Variants in CDK14 observed in about 807,000 individuals in gnomAD.
CDK14 encodes cyclin dependent kinase 14.
A neutral mutation model predicts 60.7 loss-of-function variants in CDK14; 34 were observed. The ratio of observed to expected loss-of-function variants is 0.56; its 90% CI spans 0.43 to 0.75. The LOEUF (loss-of-function observed/expected upper bound fraction) is 0.75, where lower values mean the gene tolerates loss of function less well. Ranked by LOEUF, CDK14 falls within the 30% of genes least tolerant of loss-of-function variation. The pLI is 0.00. For synonymous variants in CDK14, 197 were observed against 203.7 expected, an observed-to-expected ratio of 0.97 and a Z score of 0.28; for missense variants, 482 against 564.1, an observed-to-expected ratio of 0.85 and a Z score of 1.47.
intron 9 of CDK14, 148 bp from the exon 10 acceptor site, chr7:90,984,000 C>A: frequency 1.6e-6 from 1 of 618,952 alleles, no homozygotes; most frequent in Admixed American, 2.7e-5. Flanking sequence ...CACGTGTACC[C>A]CTGAATCTAA....
chr7:90,648,995 C>A (rs924527313), intron 2 of CDK14, among the ~76,000 whole-genome samples: 1 of 152,114 alleles, frequency 6.6e-6, no homozygotes, highest in Admixed American at 6.5e-5. Flanking sequence ...ATATGGATAG[C>A]AAACTGTGCT....
chr7:91,144,456 C>T (rs43012), intron 14 of CDK14, among the ~76,000 whole-genome samples: 145,360 of 152,302 alleles, frequency 0.95, 69,393 homozygotes, highest in East Asian at 1. Flanking sequence ...TGGCATTTCA[C>T]AAATATTTCT....
chr7:91,127,609 G>A (rs1376842258), intron 14 of CDK14, among the ~76,000 whole-genome samples: 1 of 152,242 alleles, frequency 6.6e-6, no homozygotes, highest in East Asian at 1.9e-4. Flanking sequence ...GTGAAAAAAT[G>A]TATGTACATT....
chr7:91,079,446 T>C lies in CDK14; in HGVS notation c.1120T>C (p.Tyr374His). 1 of 1,600,630 alleles carries C rather than the reference T, an allele frequency of 6.2e-7. No individual in the cohort carries two copies. Among genetic ancestry groups the C allele is most frequent in the East Asian group, 2.2e-5 (1 of 44,742 alleles). ...PHFKPERFTL[Y>H]SSKNLRQAWN... is the part of the protein sequence containing the mutation. ...TTTTATTTCAGAACGCTTTACCCTG[T>C]ACAGCTCTAAAAACCTTAGACAAGC... Residue 374 changes from tyrosine to histidine, a missense_variant, in exon 12 of 15, where the codon TAC (tyrosine) becomes CAC (histidine). Physicochemically the swap from Tyr to His is moderately conservative, Grantham distance 83. Transcript: ENST00000380050.
chr7:90,895,955 G>C (rs1449746936), intron 6 of CDK14, among the ~76,000 whole-genome samples: 1 of 151,628 alleles, frequency 6.6e-6, no homozygotes, highest in Admixed American at 6.6e-5. Flanking sequence ...GCCAAAGGTT[G>C]GTTTGTTTTA....
intron 8 of CDK14, among the ~76,000 whole-genome samples, chr7:90,921,012 A>T (rs917009062): frequency 1.3e-5 from 2 of 152,210 alleles, no homozygotes; most frequent in Non-Finnish European, 2.9e-5. Flanking sequence ...ATTTTGAATA[A>T]GTAAATTACA....
At chr7:90,962,557 T>C (rs1301454610) in intron 9 of CDK14, among the ~76,000 whole-genome samples, 2 of 152,204 alleles carry the variant, frequency 1.3e-5, no homozygotes, top group African/African-American at 4.8e-5. Flanking sequence ...TGTGTATGTT[T>C]GTGAGAGAGA....
intron 4 of CDK14, among the ~76,000 whole-genome samples, chr7:90,778,843 CCGA>C (rs1307411126): frequency 1.0e-4 from 15 of 146,806 alleles, no homozygotes; most frequent in African/African-American, 3.8e-4. Context: ...TAAAAATTGA[CCGA>C]CCTTCCTTCC....
Position 90,596,459 on chromosome 7 carries a change from T to C in CDK14, c.-169T>C. 1.9e-6 allele frequency: 1 copy of C among 534,678 alleles called. No individual in the cohort carries two copies. The highest frequency in any genetic ancestry group is 3.3e-6 in the Non-Finnish European group (1 of 303,754). 33.1% of individuals were successfully genotyped at this position (534,678 alleles called of 1,614,324 possible). The stretch of plus-strand genomic sequence containing the variant: ...GCCCAGGCCGGAGCGGAGCCTGCCG[T>C]CCTCCGCCTGCCTGCTGCTCGCCTC... On this transcript the variant is annotated 5_prime_UTR_variant, in exon 1 of 15. Transcript: ENST00000380050.
intron 6 of CDK14, among the ~76,000 whole-genome samples, chr7:90,888,584 C>G (rs1792023927): frequency 6.6e-6 from 1 of 152,124 alleles, no homozygotes; most frequent in Non-Finnish European, 1.5e-5. Context: ...TCTGTTCATT[C>G]ATGTTGCTTT....
intron 14 of CDK14, among the ~76,000 whole-genome samples, chr7:91,158,103 ATATT>A (rs1029820265): frequency 1.2e-3 from 176 of 147,918 alleles, no homozygotes; most frequent in Non-Finnish European, 2.1e-3. Context: ...ATATATATAA[ATATT>A]TATATATAAA....
intron 10 of CDK14, among the ~76,000 whole-genome samples, chr7:90,991,290 G>GA (rs2115689981): frequency 6.6e-6 from 1 of 152,156 alleles, no homozygotes; most frequent in East Asian, 1.9e-4. Flanking sequence ...GGGAATCAAG[G>GA]AGCCATTCAC....
chr7:91,199,642 T>C (rs1243739901), intron 14 of CDK14, among the ~76,000 whole-genome samples: 2 of 152,242 alleles, frequency 1.3e-5, no homozygotes, highest in African/African-American at 4.8e-5. Flanking sequence ...ATATGTTAAG[T>C]CAGTCTTCTC....
At chr7:90,718,641 AAC>A (rs1227560815) in intron 2 of CDK14, among the ~76,000 whole-genome samples, 3 of 152,176 alleles carry the variant, frequency 2.0e-5, no homozygotes, top group African/African-American at 7.2e-5. Context: ...GTAAGTAAAA[AAC>A]ACATTCTTGC....
Position 91,195,734 on chromosome 7 carries a change from C to G in CDK14, c.*29-11431C>G, listed in dbSNP as rs554363843. 1.1e-4 allele frequency among the ~76,000 whole-genome samples: 16 copies of G among 152,286 alleles called. No individual in the cohort carries two copies. In the South Asian group the frequency reaches 2.9e-3, roughly 28 times the overall value. The stretch of plus-strand genomic sequence containing the variant: ...ACCCACAGACTTTACAGTGGCAGCT[C>G]AAGACTTCATGTATATGAAAACTGT... On this transcript the variant is annotated intron_variant, in intron 14 of 14. Coordinates refer to ENST00000380050, the MANE Select transcript of CDK14 (RefSeq NM_001287135.2).
chr7:90,629,563 T>C (rs1382233794), intron 2 of CDK14, among the ~76,000 whole-genome samples: 1 of 152,188 alleles, frequency 6.6e-6, no homozygotes, highest in African/African-American at 2.4e-5. Flanking sequence ...TCCCAAATAA[T>C]GAAGTGTGCT....
chr7:90,861,856 C>T (rs987895967), intron 5 of CDK14, among the ~76,000 whole-genome samples: 47 of 152,126 alleles, frequency 3.1e-4, no homozygotes, highest in African/African-American at 1.1e-3. Context: ...CTACCCAAAA[C>T]GACTCTCAAA....
At chr7:90,799,866 G>A (rs1180149476) in intron 5 of CDK14, among the ~76,000 whole-genome samples, 4 of 151,998 alleles carry the variant, frequency 2.6e-5, no homozygotes, top group Non-Finnish European at 5.9e-5. Context: ...AAAAAAGATA[G>A]GGATTTTGAG....
chr7:90,796,075 C>T (rs146765440), intron 5 of CDK14, among the ~76,000 whole-genome samples: 156 of 152,226 alleles, frequency 1.0e-3, no homozygotes, highest in African/African-American at 3.3e-3. Flanking sequence ...ACACTGAGAC[C>T]TGGCTTTGAC....
Sources: gnomAD v4.1 joint callset for allele counts (sites outside exome capture counted in the v4.1 genomes callset) on GRCh38, gnomAD v4.1.1 for gene constraint, MANE v1.5 for transcripts, NCBI Gene and HGNC (gene_info 2026-07-23, HGNC 2026-07-21) for gene names.